Variants in CRISPLD2 observed in about 807,000 individuals in gnomAD.
CRISPLD2 encodes cysteine-rich secretory protein LCCL domain-containing 2.
A neutral mutation model predicts 71.1 loss-of-function variants in CRISPLD2; 47 were observed. The observed-to-expected ratio is 0.66, with a 90% CI of 0.52 to 0.84. The LOEUF (loss-of-function observed/expected upper bound fraction) is 0.84. Ranked by LOEUF, CRISPLD2 falls within the 40% of genes least tolerant of loss-of-function variation. CRISPLD2 has a pLI of 0.00. For synonymous variants in CRISPLD2, 317 were observed against 250.1 expected, an observed-to-expected ratio of 1.27 and a Z score of -2.52; for missense variants, 830 against 651.1, an observed-to-expected ratio of 1.27 and a Z score of -2.99.
intron 1 of CRISPLD2, among the ~76,000 whole-genome samples, chr16:84,822,871 C>T (rs983631825): frequency 6.6e-6 from 1 of 152,132 alleles, no homozygotes; most frequent in Admixed American, 6.5e-5. Context: ...GGTAAAAATA[C>T]ACATAAACAT....
chr16:84,831,418 C>A (rs1337859557), intron 1 of CRISPLD2, among the ~76,000 whole-genome samples: 1 of 152,022 alleles, frequency 6.6e-6, no homozygotes, highest in African/African-American at 2.4e-5. Context: ...GATTTTTTTT[C>A]CTTTTTTCTT....
chr16:84,833,637 C>G (rs1295992400), intron 1 of CRISPLD2, among the ~76,000 whole-genome samples: 1 of 152,168 alleles, frequency 6.6e-6, no homozygotes. Context: ...GGGCACTCTG[C>G]AGGGGGCATC....
intron 2 of CRISPLD2, chr16:84,838,960 T>C: frequency 1.4e-6 from 1 of 697,416 alleles, no homozygotes; most frequent in South Asian, 1.5e-5. Flanking sequence ...ACAATCGTCA[T>C]GCCCTGAAAC....
chr16:84,879,947 C>T (rs1480222340), intron 12 of CRISPLD2, among the ~76,000 whole-genome samples: 6 of 152,212 alleles, frequency 3.9e-5, no homozygotes, highest in Non-Finnish European at 7.3e-5. Context: ...ACCCAGGGGT[C>T]ACCCATTTCC....
chr16:84,839,447 C>T (rs181907339), intron 2 of CRISPLD2: 52 of 166,112 alleles, frequency 3.1e-4, no homozygotes, highest in Non-Finnish European at 4.7e-4. Flanking sequence ...TCCTTCCTCG[C>T]GTGGTTGCCA....
chr16:84,902,846 C>T (rs1480489862), intron 14 of CRISPLD2, among the ~76,000 whole-genome samples: 10 of 140,190 alleles, frequency 7.1e-5, no homozygotes, highest in Non-Finnish European at 1.4e-4. Context: ...TGATCTCGCT[C>T]ACCGCAACCT....
At chr16:84,878,096 C>A (rs1037013057) in intron 12 of CRISPLD2, among the ~76,000 whole-genome samples, 1 of 149,328 alleles carries the variant, frequency 6.7e-6, no homozygotes, top group South Asian at 2.1e-4. Context: ...TGGTGGCGGG[C>A]GCCTGTATTC....
chr16:84,876,767 G>A (rs939553976), intron 11 of CRISPLD2, among the ~76,000 whole-genome samples: 9 of 152,168 alleles, frequency 5.9e-5, no homozygotes, highest in African/African-American at 2.2e-4. Context: ...ACTCCAGCCT[G>A]GGCAAAAAGA....
intron 7 of CRISPLD2, among the ~76,000 whole-genome samples, chr16:84,868,340 T>C (rs1167257579): frequency 1.3e-5 from 2 of 152,156 alleles, no homozygotes; most frequent in African/African-American, 2.4e-5. Flanking sequence ...GACTCTGATA[T>C]GTTCCCATAA....
At chr16:84,853,213 T>C (rs1376568073) in intron 5 of CRISPLD2, among the ~76,000 whole-genome samples, 1 of 152,152 alleles carries the variant, frequency 6.6e-6, no homozygotes, top group African/African-American at 2.4e-5. Flanking sequence ...AGGGGAAACT[T>C]GGCAGGGGCA....
intron 13 of CRISPLD2, among the ~76,000 whole-genome samples, chr16:84,888,841 C>T (rs1398257182): frequency 1.3e-4 from 20 of 152,312 alleles, no homozygotes; most frequent in Non-Finnish European, 2.8e-4. Flanking sequence ...AAGTAGCCCC[C>T]GCCACCCAGG....
intron 2 of CRISPLD2, among the ~76,000 whole-genome samples, chr16:84,844,022 C>T (rs1916845426): frequency 6.6e-6 from 1 of 152,222 alleles, no homozygotes; most frequent in African/African-American, 2.4e-5. Context: ...GTGCCCGGGG[C>T]TGGGTGTGCA....
intron 14 of CRISPLD2, among the ~76,000 whole-genome samples, chr16:84,903,859 CAG>C (rs1313600650): frequency 6.6e-6 from 1 of 152,186 alleles, no homozygotes; most frequent in East Asian, 1.9e-4. Context: ...CAGATAAGAA[CAG>C]AGGGATCTGT....
rs141545765 is a variant in CRISPLD2 at position 84,881,370 on chromosome 16, A to C, written c.1305+786A>C. Among the ~76,000 whole-genome samples, 90 of 152,140 alleles carry C rather than the reference A, an allele frequency of 5.9e-4. 3 individuals are homozygous for C. The East Asian group carries it at 0.017, about 29-fold the overall frequency. On this transcript the variant is annotated intron_variant, in intron 13 of 14. Coordinates refer to ENST00000262424, the MANE Select transcript of CRISPLD2 (RefSeq NM_031476.4). The stretch of plus-strand genomic sequence containing the variant: ...TCTCTTCCTCTGTTTTTTCCCTCCG[A>C]ATTTTAACCAGGGAGCTTTAGCCCG...
At chr16:84,840,094 C>T (rs999678697) in intron 2 of CRISPLD2, 1 of 151,982 alleles carries the variant, frequency 6.6e-6, no homozygotes, top group Non-Finnish European at 1.5e-5. Context: ...ATCATCATGT[C>T]TTTGGAATGC....
intron 3 of CRISPLD2, among the ~76,000 whole-genome samples, chr16:84,848,844 A>G (rs921288641): frequency 6.6e-6 from 1 of 152,194 alleles, no homozygotes; most frequent in African/African-American, 2.4e-5. Context: ...CCTGAAAATA[A>G]ACACCTAATT....
At chr16:84,873,199 C>G in intron 10 of CRISPLD2, 77 bp downstream of exon 10, 1 of 1,542,410 alleles carries the variant, frequency 6.5e-7, no homozygotes, top group South Asian at 1.2e-5. Flanking sequence ...TGAAAAATAC[C>G]ACACAGGCCG....
intron 1 of CRISPLD2, among the ~76,000 whole-genome samples, chr16:84,831,449 C>G (rs1424865405): frequency 6.6e-6 from 1 of 152,126 alleles, no homozygotes; most frequent in Admixed American, 6.5e-5. Context: ...GTCGCCCAGG[C>G]TGGAAAGCAG....
intron 1 of CRISPLD2, among the ~76,000 whole-genome samples, chr16:84,832,796 C>T (rs74480845): frequency 0.039 from 5,983 of 152,328 alleles, 383 homozygotes; most frequent in African/African-American, 0.14. Context: ...AAACACAAGG[C>T]ACTTGCAGCC....
Sources: gnomAD v4.1 joint callset for allele counts (sites outside exome capture counted in the v4.1 genomes callset) on GRCh38, gnomAD v4.1.1 for gene constraint, MANE v1.5 for transcripts, NCBI Gene and HGNC (gene_info 2026-07-23, HGNC 2026-07-21) for gene names.